Variants in STPG4 observed in about 807,000 individuals in gnomAD.
The protein encoded by STPG4 is sperm-tail PG-rich repeat containing 4, also known as protein STPG4.
STPG4 carries 41 observed loss-of-function variants against 31.5 expected under a neutral mutation model. The ratio of observed to expected loss-of-function variants is 1.30; its 90% CI spans 1.01 to 1.69. STPG4 has a LOEUF of 1.69. Among genes scored for constraint, STPG4 ranks in the 40% most tolerant of loss-of-function variants. The probability of loss-of-function intolerance (pLI) is 0.00; values close to 1 mark genes in which losing one functional copy is unlikely to be tolerated. For synonymous variants in STPG4, 141 were observed against 103.0 expected (o/e 1.37, Z -2.24); for missense variants, 375 against 293.4 (o/e 1.28, Z -2.03).
intron 3 of STPG4, among the ~76,000 whole-genome samples, chr2:47,141,366 A>G (rs1030685630): frequency 6.6e-6 from 1 of 152,056 alleles, no homozygotes; most frequent in African/African-American, 2.4e-5. Flanking sequence ...AACATATCCA[A>G]TGATACTAAT....
chr2:47,114,210 A>C (rs1395448643), intron 5 of STPG4, among the ~76,000 whole-genome samples: 1 of 152,032 alleles, frequency 6.6e-6, no homozygotes, highest in Non-Finnish European at 1.5e-5. Flanking sequence ...ATTTTCAAAA[A>C]AACATAAAAA....
At chr2:47,089,858 T>C (rs939302457) in intron 6 of STPG4, among the ~76,000 whole-genome samples, 1 of 152,144 alleles carries the variant, frequency 6.6e-6, no homozygotes, top group Non-Finnish European at 1.5e-5. Flanking sequence ...TTTGGGTCAA[T>C]AAAAATGTTT....
At chr2:47,136,152 C>CT (rs776045420) in intron 3 of STPG4, among the ~76,000 whole-genome samples, 1,958 of 149,076 alleles carry the variant, frequency 0.013, 37 homozygotes, top group African/African-American at 0.035. Context: ...TGATTTCTTT[C>CT]TTTTTTTTTT....
At chr2:47,107,300 C>G (rs995198496) in intron 5 of STPG4, among the ~76,000 whole-genome samples, 3 of 152,080 alleles carry the variant, frequency 2.0e-5, no homozygotes, top group Non-Finnish European at 4.4e-5. Context: ...AAGTGGGAAC[C>G]GGGGCTGCGC....
intron 6 of STPG4, 32 bp downstream of exon 6, chr2:47,090,238 G>A (rs942986047): frequency 6.9e-7 from 1 of 1,445,124 alleles, no homozygotes; most frequent in African/African-American, 1.4e-5. Context: ...ACCCCTAGGG[G>A]TGGGGGGCGA....
At chr2:47,107,071 T>G (rs1685927658) in intron 5 of STPG4, among the ~76,000 whole-genome samples, 1 of 151,876 alleles carries the variant, frequency 6.6e-6, no homozygotes, top group Non-Finnish European at 1.5e-5. Flanking sequence ...CCAACAGCAG[T>G]TGGGGTGTCC....
At chr2:47,147,854 G>A (rs1471587634) in intron 3 of STPG4, among the ~76,000 whole-genome samples, 1 of 151,730 alleles carries the variant, frequency 6.6e-6, no homozygotes, top group Non-Finnish European at 1.5e-5. Context: ...AAGGTTATTA[G>A]AAAAATTACA....
In STPG4 at chr2:47,102,746, G is replaced by A. The variant is rs564451293; in HGVS notation, c.520-12372C>T. Among the ~76,000 whole-genome samples the A allele has an allele frequency of 1.5e-4, 23 of 151,884 alleles. No individual in the cohort carries two copies. The South Asian group carries it at 1.7e-3, about 11-fold the overall frequency. ...GGACCATAAAAAACCCCGGGCTATCGGTTATGTCCCCTTCAAGCTGTAGGG... is the reference window on the plus strand; with the variant it reads ...GGACCATAAAAAACCCCGGGCTATCAGTTATGTCCCCTTCAAGCTGTAGGG... On this transcript the variant is annotated intron_variant, in intron 5 of 6. Coordinates refer to ENST00000445927, the MANE Select transcript of STPG4 (RefSeq NM_001163561.2).
chr2:47,129,816 T>C (rs917254121), intron 5 of STPG4, 125 bp downstream of exon 5: 11 of 1,189,558 alleles, frequency 9.2e-6, no homozygotes, highest in African/African-American at 9.2e-5. Flanking sequence ...GTGTGGATAA[T>C]GGTGTTCCTG....
intron 3 of STPG4, among the ~76,000 whole-genome samples, chr2:47,137,986 A>G (rs1036870832): frequency 3.3e-5 from 5 of 151,946 alleles, no homozygotes; most frequent in African/African-American, 1.2e-4. Flanking sequence ...TTCTGCTCTA[A>G]TTTTTATTAT....
At chr2:47,140,480 G>A (rs903065956) in intron 3 of STPG4, among the ~76,000 whole-genome samples, 1 of 152,110 alleles carries the variant, frequency 6.6e-6, no homozygotes, top group African/African-American at 2.4e-5. Context: ...TTAGCCTCCA[G>A]CAATTCTTCA....
chr2:47,141,717 T>C (rs1029968232), intron 3 of STPG4, among the ~76,000 whole-genome samples: 1 of 152,042 alleles, frequency 6.6e-6, no homozygotes, highest in African/African-American at 2.4e-5. Flanking sequence ...ACTGGCACCC[T>C]TCCTATGGTT....
At position 47,090,273 on chromosome 2, in the gene STPG4, A is replaced by C. The variant is rs115340807; in HGVS notation, c.621T>G (p.Cys207Trp). The C allele has an allele frequency of 6.5e-7, 1 of 1,549,484 alleles. No homozygotes were observed. The highest frequency in any genetic ancestry group is 1.2e-5 in the South Asian group (1 of 83,996). The change falls in exon 6 of 7, where the codon TGT becomes TGG. Residue 207 changes from cysteine (C) to tryptophan (W), a missense_variant. Transcript: ENST00000445927. ...ATCTGTCTTTCCGAATACTTACTGA[A>C]CAGCTGGGCAAGAATCGAGGGACTC... ...QSRVPRFLPS[C>W]SKTPGPGAYT...
intron 3 of STPG4, among the ~76,000 whole-genome samples, chr2:47,148,685 C>G (rs1686875794): frequency 6.6e-6 from 1 of 152,114 alleles, no homozygotes; most frequent in African/African-American, 2.4e-5. Context: ...CTCCACTCCC[C>G]CAACTCCACG....
At position 47,094,970 on chromosome 2, in the gene STPG4, C is replaced by T. The variant is rs559029984; in HGVS notation, c.520-4596G>A. Among the ~76,000 whole-genome samples, 13 of 152,326 alleles carry T rather than the reference C, an allele frequency of 8.5e-5. No homozygotes were observed. The South Asian group carries it at 2.7e-3, about 32-fold the overall frequency. On this transcript the variant is annotated intron_variant, in intron 5 of 6. Transcript: ENST00000445927. ...GACTGGTTAATCTGTATCATCAATA[C>T]ACTCCTCTGGAGTGAAGACGTGTAT...
At chr2:47,106,458 A>G (rs1685913255) in intron 5 of STPG4, among the ~76,000 whole-genome samples, 1 of 151,948 alleles carries the variant, frequency 6.6e-6, no homozygotes, top group Non-Finnish European at 1.5e-5. Flanking sequence ...CAACTTCATT[A>G]TCCTACTACC....
intron 5 of STPG4, among the ~76,000 whole-genome samples, chr2:47,116,716 G>A (rs1686160596): frequency 6.6e-6 from 1 of 152,112 alleles, no homozygotes; most frequent in African/African-American, 2.4e-5. Flanking sequence ...GAATCTGATA[G>A]GTCACTAATG....
intron 3 of STPG4, among the ~76,000 whole-genome samples, chr2:47,142,524 C>T (rs537265509): frequency 2.6e-5 from 4 of 152,138 alleles, no homozygotes; most frequent in South Asian, 2.1e-4. Flanking sequence ...GAAAAAATTT[C>T]GAGTTACTTA....
At chr2:47,154,233 A>C (rs1223658559) in intron 1 of STPG4, among the ~76,000 whole-genome samples, 3 of 152,176 alleles carry the variant, frequency 2.0e-5, no homozygotes, top group Non-Finnish European at 4.4e-5. Flanking sequence ...AATTTCTTTA[A>C]AAAACATTTT....
Sources: gnomAD v4.1 joint callset for allele counts (sites outside exome capture counted in the v4.1 genomes callset) on GRCh38, gnomAD v4.1.1 for gene constraint, MANE v1.5 for transcripts, NCBI Gene and HGNC (gene_info 2026-07-23, HGNC 2026-07-21) for gene names.